ZEB2: variants seen among roughly 807,000 people sequenced by gnomAD.
The protein encoded by ZEB2 is zinc finger E-box binding homeobox 2.
ZEB2 carries 6 observed loss-of-function variants against 99.9 expected under a neutral mutation model. The ratio of observed to expected loss-of-function variants is 0.06; its 90% CI spans 0.03 to 0.12. ZEB2 has a LOEUF of 0.12. ZEB2 is among the 10% of genes least tolerant of loss of function. The pLI, the probability that ZEB2 is intolerant of heterozygous loss-of-function variation, is 1.00. For missense variants in ZEB2, 969 were observed against 1,502.8 expected (o/e 0.64, Z 5.87); for synonymous variants, 517 against 542.5 (o/e 0.95, Z 0.65).
intron 2 of ZEB2, among the ~76,000 whole-genome samples, chr2:144,481,174 A>T (rs936714857): frequency 2.6e-5 from 4 of 152,172 alleles, no homozygotes; most frequent in African/African-American, 9.7e-5. Flanking sequence ...AAGAGAACTA[A>T]TTGCTTCAGG....
At chr2:144,498,516 T>G (rs180959298) in intron 2 of ZEB2, among the ~76,000 whole-genome samples, 107 of 152,252 alleles carry the variant, frequency 7.0e-4, no homozygotes, top group African/African-American at 2.5e-3. Flanking sequence ...TGCTGGAATA[T>G]GAAATCGTCA....
intron 9 of ZEB2, 107 bp from the exon 10 acceptor site, chr2:144,390,135 G>T (rs1703137832): frequency 8.7e-7 from 1 of 1,152,744 alleles, no homozygotes; most frequent in Admixed American, 1.9e-5. Context: ...GTGTACTTAT[G>T]CCTGAAAGAT....
intron 2 of ZEB2, among the ~76,000 whole-genome samples, chr2:144,457,535 G>C (rs28460425): frequency 2.6e-5 from 4 of 152,110 alleles, no homozygotes; most frequent in Non-Finnish European, 4.4e-5. Context: ...ACATAACTGT[G>C]CCTGGGCAGA....
At chr2:144,516,530 G>C (rs1443927578) in intron 2 of ZEB2, 1 of 149,464 alleles carries the variant, frequency 6.7e-6, no homozygotes, top group Non-Finnish European at 1.5e-5. Context: ...CCTGGATAAC[G>C]GGCTCCTCCA....
intron 9 of ZEB2, among the ~76,000 whole-genome samples, chr2:144,391,499 C>T (rs1703153646): frequency 6.6e-6 from 1 of 152,204 alleles, no homozygotes; most frequent in South Asian, 2.1e-4. Flanking sequence ...CACACAAGAA[C>T]CATTCCTTAA....
At chr2:144,412,843 T>C (rs1703483846) in intron 4 of ZEB2, among the ~76,000 whole-genome samples, 1 of 152,196 alleles carries the variant, frequency 6.6e-6, no homozygotes, top group African/African-American at 2.4e-5. Context: ...TCGTAATCTT[T>C]CTCTTACGTG....
chr2:144,423,801 A>G (rs1243303287), intron 4 of ZEB2, among the ~76,000 whole-genome samples: 2 of 152,238 alleles, frequency 1.3e-5, no homozygotes, highest in South Asian at 2.1e-4. Context: ...ACACAACATG[A>G]GCAGTCTATC....
intron 2 of ZEB2, among the ~76,000 whole-genome samples, chr2:144,447,867 T>C (rs1704006815): frequency 6.6e-6 from 1 of 152,184 alleles, no homozygotes; most frequent in Non-Finnish European, 1.5e-5. Flanking sequence ...TTTCTGTAGG[T>C]TCTGGGATCA....
intron 2 of ZEB2, among the ~76,000 whole-genome samples, chr2:144,431,999 GA>G (rs80124435): frequency 0.071 from 8,053 of 112,676 alleles, 456 homozygotes; most frequent in African/African-American, 0.19. Context: ...CTTTATCCTG[GA>G]AAAAAAAAAA....
intron 2 of ZEB2, chr2:144,513,095 G>A (rs1451686087): frequency 7.8e-7 from 1 of 1,286,562 alleles, no homozygotes; most frequent in African/African-American, 1.5e-5. Context: ...TCAGGGAGGA[G>A]AGCTAGGAGG....
chr2:144,442,526 T>C (rs1489725193), intron 2 of ZEB2, among the ~76,000 whole-genome samples: 1 of 152,156 alleles, frequency 6.6e-6, no homozygotes, highest in Non-Finnish European at 1.5e-5. Flanking sequence ...ACTCTTCCCT[T>C]ATTCTTCAAA....
At chr2:144,515,306 G>A (rs536718699) in intron 2 of ZEB2, among the ~76,000 whole-genome samples, 3 of 152,100 alleles carry the variant, frequency 2.0e-5, no homozygotes, top group East Asian at 1.9e-4. Flanking sequence ...CTTGTAAGAG[G>A]GGGAAAAAAG....
chr2:144,418,691 A>T (rs1703576801), intron 4 of ZEB2, among the ~76,000 whole-genome samples: 1 of 149,418 alleles, frequency 6.7e-6, no homozygotes, highest in African/African-American at 2.5e-5. Context: ...TCCATCTCAA[A>T]AAAAAACAAA....
intron 2 of ZEB2, chr2:144,513,980 C>T: frequency 8.8e-7 from 1 of 1,137,648 alleles, no homozygotes; most frequent in Non-Finnish European, 1.2e-6. Flanking sequence ...GCCTCCTTCC[C>T]CCTCACCCCA....
intron 2 of ZEB2, among the ~76,000 whole-genome samples, chr2:144,464,905 T>G (rs1371246037): frequency 2.0e-5 from 3 of 152,184 alleles, no homozygotes; most frequent in African/African-American, 4.8e-5. Flanking sequence ...GCGATAAATG[T>G]GTTTACCTTT....
At chr2:144,515,662 G>A (rs1053921249) in intron 2 of ZEB2, among the ~76,000 whole-genome samples, 1 of 151,906 alleles carries the variant, frequency 6.6e-6, no homozygotes. Flanking sequence ...ACAGCACAAA[G>A]GGGAAAGGCA....
chr2:144,424,686 C>T, intron 4 of ZEB2, 110 bp downstream of exon 4: 1 of 1,327,448 alleles, frequency 7.5e-7, no homozygotes. Context: ...AAGTTGACTA[C>T]TTGTTAAGTC....
intron 2 of ZEB2, among the ~76,000 whole-genome samples, chr2:144,439,133 GAAAAAAAA>G (rs1174940162): frequency 1.0e-4 from 8 of 79,700 alleles, no homozygotes; most frequent in African/African-American, 1.4e-4. Flanking sequence ...CTGGGAGGAA[GAAAAAAAA>G]AAAAAAAAAA....
intron 2 of ZEB2, chr2:144,516,230 C>CA (rs1705139462): frequency 6.7e-6 from 1 of 148,634 alleles, no homozygotes; most frequent in Admixed American, 6.7e-5. Flanking sequence ...CCACCCCCCC[C>CA]CGGCACCCTC....
Sources: allele counts gnomAD v4.1 joint callset (sites outside exome capture counted in the v4.1 genomes callset), GRCh38; gene constraint gnomAD v4.1.1; transcripts MANE v1.5; gene names NCBI Gene and HGNC (gene_info 2026-07-23, HGNC 2026-07-21).